Variants in UNC13D observed in about 807,000 individuals in gnomAD.
UNC13D encodes the protein protein unc-13 homolog D.
UNC13D carries 115 observed loss-of-function variants against 151.7 expected under a neutral mutation model. The observed-to-expected ratio is 0.76, with a 90% CI of 0.65 to 0.88. The LOEUF is 0.88. Among genes scored for constraint, UNC13D ranks in the 40% least tolerant of loss-of-function variants. The pLI, the probability that UNC13D is intolerant of heterozygous loss-of-function variation, is 0.00. For synonymous variants in UNC13D, 588 were observed against 612.2 expected (o/e 0.96, Z 0.58); for missense variants, 1,369 against 1,438.7 (o/e 0.95, Z 0.78).
chr17:75,827,626 G>A lies in UNC13D; in HGVS notation c.*339C>T. ...GGAACAGGAAGGCCAGGAGGCAGAT[G>A]GGCCAGGGCCAGGAGACAGATGGCC... On this transcript the variant is annotated 3_prime_UTR_variant, in exon 32 of 32. Transcript: ENST00000207549. 1 of 1,535,358 alleles carries A rather than the reference G, an allele frequency of 6.5e-7. No individual in the cohort carries two copies.
Position 75,833,149 on chromosome 17 carries a change from T to G in UNC13D, c.2368-104A>C. 2 of 1,179,614 alleles carry G rather than the reference T, an allele frequency of 1.7e-6. No individual in the cohort carries two copies. The highest frequency in any genetic ancestry group is 2.7e-5 in the South Asian group (2 of 74,958). 73.1% of individuals were successfully genotyped at this position (1,179,614 alleles called of 1,614,324 possible). A position where few individuals can be genotyped will look rare whatever the true frequency, so the allele number is the denominator to read the frequency against. Reference sequence around the variant, plus strand: ...GAGGAAACAGGGCTGGGAACCGTTCTGTGAGAGCAGTTTGTAGTGTCTGTA... The same window carrying G: ...GAGGAAACAGGGCTGGGAACCGTTCGGTGAGAGCAGTTTGTAGTGTCTGTA... On this transcript the variant is annotated intron_variant, in intron 24 of 31. Transcript: ENST00000207549. The surrounding 1 kb of genome is among the most constrained non-coding windows in gnomAD (Gnocchi z 4.0).
intron 2 of UNC13D, 50 bp downstream of exon 2, chr17:75,843,434 C>T (rs763912392): frequency 2.6e-5 from 41 of 1,583,842 alleles, no homozygotes; most frequent in Non-Finnish European, 3.5e-5. Context: ...GGCAGGAGGA[C>T]ACACAGCCGC....
At chr17:75,839,070 G>C (rs967009454) in intron 12 of UNC13D, among the ~76,000 whole-genome samples, 15 of 151,382 alleles carry the variant, frequency 9.9e-5, no homozygotes, top group Admixed American at 8.5e-4. Context: ...ACTGCACTCC[G>C]GCCTGGGCGA....
rs373079371 is a variant in UNC13D at position 75,830,431 on chromosome 17, G to A, written c.2761C>T (p.Arg921Cys). 16 of 1,585,730 alleles carry A rather than the reference G, an allele frequency of 1.0e-5. No homozygotes were observed. The highest frequency in any genetic ancestry group is 9.0e-5 in the Admixed American group (5 of 55,550). ...LGAVTVKASY[R>C]ASEQKLRVEL... ...ACACGCAGCTTCTGCTCAGAGGCGCGGTAGGAGGCCTTGACTGTCACAGCC... is the reference window on the plus strand; with the variant it reads ...ACACGCAGCTTCTGCTCAGAGGCGCAGTAGGAGGCCTTGACTGTCACAGCC... The change falls in exon 29 of 32, where the codon CGC (arginine) becomes TGC (cysteine). Residue 921 changes from arginine (R) to cysteine (C), a missense_variant. Coordinates refer to ENST00000207549, the MANE Select transcript of UNC13D (RefSeq NM_199242.3).
rs1329238425 is a variant in UNC13D, at chr17:75,828,783, C to T, written c.3151+4G>A. 2.0e-6 allele frequency: 3 copies of T among 1,534,492 alleles called. No homozygotes were observed. Among genetic ancestry groups the T allele is most frequent in the Non-Finnish European group, 2.6e-6 (3 of 1,140,404 alleles). ...GCACCACCCTGCCCTGGGCTCAGGCCTACCGTTGGGTGCGGGGTACGTGAG... is the reference window on the plus strand; with the variant it reads ...GCACCACCCTGCCCTGGGCTCAGGCTTACCGTTGGGTGCGGGGTACGTGAG... On this transcript the variant is annotated splice_donor_region_variant and intron_variant, in intron 31 of 31. Transcript: ENST00000207549.
At chr17:75,830,534 G>A (rs2064864171) in intron 28 of UNC13D, 44 bp downstream of exon 28, 1 of 1,576,680 alleles carries the variant, frequency 6.3e-7, no homozygotes. Context: ...GGAGCGGGGT[G>A]CTCCAGGGCC....
intron 25 of UNC13D, 42 bp from the exon 26 acceptor site, chr17:75,831,390 C>A: frequency 6.4e-7 from 1 of 1,571,492 alleles, no homozygotes; most frequent in South Asian, 1.1e-5. Flanking sequence ...CACGGCAGGG[C>A]GGTGGCGGAG....
Position 75,831,277 on chromosome 17 carries a change from G to A in UNC13D, c.2519C>T (p.Ser840Phe). The A allele has an allele frequency of 6.2e-7, 1 of 1,614,040 alleles. No individual in the cohort carries two copies. Among genetic ancestry groups the A allele is most frequent in the East Asian group, 2.2e-5 (1 of 44,866 alleles). ...VEAAASQRSS[S>F]LASNRLKIAL... is the part of the protein sequence containing the mutation. ...AATCTTCAGCCTGTTGGAAGCCAGG[G>A]ATGAGCTGCGCTGGGAGGCGGCCGC... Residue 840 changes from serine to phenylalanine, a missense_variant, in exon 26 of 32, where the codon TCC becomes TTC. Around this residue, in one of 3 missense-constraint regions of UNC13D, gnomAD observed 807 missense variants for 795.5 expected, o/e 1.01. Coordinates refer to ENST00000207549, the MANE Select transcript of UNC13D (RefSeq NM_199242.3).
chr17:75,840,316 C>A lies in UNC13D; in HGVS notation c.767G>T (p.Arg256Leu), dbSNP rs772621834. 2.5e-6 allele frequency: 4 copies of A among 1,613,724 alleles called. No homozygotes were observed. The highest frequency in any genetic ancestry group is 3.4e-6 in the Non-Finnish European group (4 of 1,180,002). Residue 256 changes from arginine to leucine, a missense_variant, in exon 10 of 32, where the codon CGA (arginine) becomes CTA (leucine). Physicochemically the swap from Arg to Leu is moderately radical, Grantham distance 102. Coordinates refer to ENST00000207549, the MANE Select transcript of UNC13D (RefSeq NM_199242.3). This position sits in a 1 kb window ranked among gnomAD's most constrained non-coding sequence, Gnocchi z 4.6. ...TTCCAGGGGGTACCACTGGTCCTCT[C>A]GGCAGCGCAGGTCCTGACAGGCGGG... is the stretch of plus-strand genomic sequence containing the variant. ...VVLRLQDLRC[R>L]EDQWYPLEPR... is the part of the protein sequence containing the mutation.
In UNC13D at chr17:75,833,266, CA is replaced by C. The variant is rs1347298803; in HGVS notation, c.2368-222del. ...CCTCCTCTACAGCCCTGGAACCTTCCAGGCATGGTCCTGCCTCAGGGTCTCT... is the reference window on the plus strand; with the variant it reads ...CCTCCTCTACAGCCCTGGAACCTTCCGGCATGGTCCTGCCTCAGGGTCTCT... On this transcript the variant is annotated intron_variant, in intron 24 of 31. Coordinates refer to ENST00000207549, the MANE Select transcript of UNC13D (RefSeq NM_199242.3). This position sits in a 1 kb window ranked among gnomAD's most constrained non-coding sequence, Gnocchi z 4.0. 17 of 475,376 alleles carry C rather than the reference CA, an allele frequency of 3.6e-5. No individual in the cohort carries two copies. The Admixed American group carries it at 3.6e-4, about 10-fold the overall frequency. The allele number at this position is 475,376 out of a possible 1,614,324, so 29.4% of individuals were successfully genotyped here.
At chr17:75,838,025 C>T (rs898084879) in intron 12 of UNC13D, among the ~76,000 whole-genome samples, 5 of 152,100 alleles carry the variant, frequency 3.3e-5, no homozygotes, top group East Asian at 1.9e-4. Flanking sequence ...AGTCTCCAGC[C>T]GCACCACCAT....
intron 25 of UNC13D, chr17:75,831,854 G>A: frequency 5.8e-6 from 1 of 172,936 alleles, no homozygotes; most frequent in South Asian, 1.2e-4. Flanking sequence ...CCAGCTACTT[G>A]GGAGGCTGAG....
At chr17:75,831,443 C>T in intron 25 of UNC13D, 95 bp from the exon 26 acceptor site, 1 of 1,118,098 alleles carries the variant, frequency 8.9e-7, no homozygotes, top group Non-Finnish European at 1.3e-6. Flanking sequence ...GCCTCAGTGA[C>T]CCAGCCCCAC....
rs775959303 is a variant in UNC13D, at chr17:75,832,948, G to A, written c.2447+18C>T. ...GGGGGAGGTGGCGAGCGCGCCCAGG[G>A]CAGGGGCTGCTACAGACCTGCTGAA... On this transcript the variant is annotated intron_variant, in intron 25 of 31. Coordinates refer to ENST00000207549, the MANE Select transcript of UNC13D (RefSeq NM_199242.3). This position sits in a 1 kb window ranked among gnomAD's most constrained non-coding sequence, Gnocchi z 4.3. The A allele has an allele frequency of 2.5e-6, 4 of 1,569,784 alleles. No individual in the cohort carries two copies. Among genetic ancestry groups the A allele is most frequent in the Non-Finnish European group, 3.5e-6 (4 of 1,156,586 alleles).
At chr17:75,835,333 G>C in intron 20 of UNC13D, 76 bp downstream of exon 20, 2 of 1,569,178 alleles carry the variant, frequency 1.3e-6, no homozygotes, top group African/African-American at 1.3e-5. Flanking sequence ...CTTTTACTAC[G>C]CTTTGGAGGT....
rs371943727 is a variant in UNC13D, at chr17:75,843,223, C to T, written c.197G>A (p.Arg66His). 3.3e-5 allele frequency: 53 copies of T among 1,611,216 alleles called. No homozygotes were observed. The highest frequency in any genetic ancestry group is 2.0e-4 in the East Asian group (9 of 44,858). Residue 66 changes from arginine (R) to histidine (H), a missense_variant, in exon 3 of 32, where the codon CGC becomes CAC. Physicochemically the swap from Arg to His is conservative, Grantham distance 29 (BLOSUM62 0). This residue lies in a region of UNC13D where 550 missense variants were observed against 609.0 expected (regional missense o/e 0.90). Coordinates refer to ENST00000207549, the MANE Select transcript of UNC13D (RefSeq NM_199242.3). ...ATGGTTGGGCTCAGGATGACCCAGG[C>T]GGTGCAAGACAGTGTAGAGTGCGTC... ...YEDALYTVLH[R>H]LGHPEPNHVT...
In UNC13D at chr17:75,830,162, GC is replaced by G; in HGVS notation, c.2831-12del. 6.3e-7 allele frequency: 1 copy of G among 1,586,674 alleles called. No individual in the cohort carries two copies. Among genetic ancestry groups the G allele is most frequent in the East Asian group, 2.3e-5 (1 of 43,170 alleles). On this transcript the variant is annotated splice_polypyrimidine_tract_variant and intron_variant, in intron 29 of 31. Transcript: ENST00000207549. ...AGGGGTCGCTGGAGCCTGGTAAGTGGCCGGGGAGTGTGCGTCAGCTGAGGGT... is the reference window on the plus strand; with the variant it reads ...AGGGGTCGCTGGAGCCTGGTAAGTGGCGGGGAGTGTGCGTCAGCTGAGGGT...
In UNC13D at chr17:75,827,916, C is replaced by T; in HGVS notation, c.*49G>A. 6.3e-7 allele frequency: 1 copy of T among 1,595,222 alleles called. No individual in the cohort carries two copies. Among genetic ancestry groups the T allele is most frequent in the Non-Finnish European group, 8.5e-7 (1 of 1,173,780 alleles). On this transcript the variant is annotated 3_prime_UTR_variant, in exon 32 of 32. Transcript: ENST00000207549. ...GGAAGCCCCAGACCCTACAGGAAAGCCCTTGCAAGTCCCCACCGGGGACCC... is the reference window on the plus strand; with the variant it reads ...GGAAGCCCCAGACCCTACAGGAAAGTCCTTGCAAGTCCCCACCGGGGACCC...
rs542738310 is a variant in UNC13D, at chr17:75,838,896, C to A, written c.1055+943G>T. On this transcript the variant is annotated intron_variant, in intron 12 of 31. Coordinates refer to ENST00000207549, the MANE Select transcript of UNC13D (RefSeq NM_199242.3). ...CGGGCGGATCATGAGGTCAGGAGAT[C>A]GAGACCATCCTGGCTAACACGGTGA... 9.2e-5 allele frequency among the ~76,000 whole-genome samples: 14 copies of A among 151,978 alleles called. No homozygotes were observed. In the South Asian group the frequency reaches 2.1e-3, roughly 23 times the overall value.
Sources: gnomAD v4.1 joint callset for allele counts (sites outside exome capture counted in the v4.1 genomes callset) on GRCh38, gnomAD v4.1.1 for gene constraint, gnomAD v4.1.1 regional missense constraint, Gnocchi (gnomAD v3.1) non-coding constraint, MANE v1.5 for transcripts, NCBI Gene and HGNC (gene_info 2026-07-23, HGNC 2026-07-21) for gene names.